The following PDE8B variants were observed in gnomAD, a reference collection of about 807,000 sequenced individuals.
PDE8B encodes high affinity cAMP-specific and IBMX-insensitive 3',5'-cyclic phosphodiesterase 8B.
A neutral mutation model predicts 101.3 loss-of-function variants in PDE8B; 26 were observed. That is an observed-to-expected ratio of 0.26 (90% CI 0.19 to 0.36). PDE8B has a LOEUF of 0.36. Ranked by LOEUF, PDE8B falls within the 10% of genes least tolerant of loss-of-function variation. PDE8B has a pLI of 1.00. For synonymous variants in PDE8B, 424 were observed against 429.3 expected (o/e 0.99, Z 0.15); for missense variants, 810 against 1,163.1 (o/e 0.70, Z 4.42).
intron 2 of PDE8B, among the ~76,000 whole-genome samples, chr5:77,318,387 A>G (rs1774304163): frequency 6.6e-6 from 1 of 152,220 alleles, no homozygotes; most frequent in Admixed American, 6.5e-5. Context: ...AAAAATATTT[A>G]TGGTGCTGAG....
At chr5:77,312,594 C>T (rs1042010502) in intron 2 of PDE8B, among the ~76,000 whole-genome samples, 4 of 152,228 alleles carry the variant, frequency 2.6e-5, no homozygotes, top group African/African-American at 4.8e-5. Context: ...CCATGAGTCA[C>T]AACTGGGTGG....
chr5:77,379,686 T>C (rs1225152760), intron 10 of PDE8B, among the ~76,000 whole-genome samples: 4 of 152,220 alleles, frequency 2.6e-5, no homozygotes, highest in African/African-American at 9.6e-5. Context: ...TTCCGGTGTT[T>C]AGGAGCTGCT....
chr5:77,103,351 A>G, the PDE8B span, among the ~76,000 whole-genome samples: 1 of 152,138 alleles, frequency 6.6e-6, no homozygotes, highest in African/African-American at 2.4e-5. Flanking sequence ...TACTAGTATG[A>G]TATGCAGTAG....
At chr5:77,378,050 C>CACACACACA (rs1297659516) in intron 10 of PDE8B, among the ~76,000 whole-genome samples, 128 of 110,266 alleles carry the variant, frequency 1.2e-3, no homozygotes, top group African/African-American at 6.3e-3. Context: ...ACACACACAC[C>CACACACACA]CCCTGTTGGT....
chr5:77,273,002 A>G (rs73137510), intron 1 of PDE8B, among the ~76,000 whole-genome samples: 7,527 of 152,282 alleles, frequency 0.049, 360 homozygotes, highest in South Asian at 0.12. Context: ...TACAAGACGG[A>G]GGAGAAAGAA....
At chr5:77,185,110 T>G in the PDE8B span, among the ~76,000 whole-genome samples, 2 of 152,298 alleles carry the variant, frequency 1.3e-5, no homozygotes, top group East Asian at 3.9e-4. Context: ...TTTACAGTCT[T>G]TTGGTAAGAA....
At chr5:77,350,784 C>T (rs1442841819) in intron 8 of PDE8B, among the ~76,000 whole-genome samples, 1 of 152,200 alleles carries the variant, frequency 6.6e-6, no homozygotes, top group Non-Finnish European at 1.5e-5. Flanking sequence ...AATCCCTTGA[C>T]CTGGTGCCAC....
At position 77,211,300 on chromosome 5, in the gene PDE8B, GT is replaced by G. The variant is rs773275775; in HGVS notation, c.339+37del. The G allele has an allele frequency of 5.7e-5, 87 of 1,514,680 alleles. No individual in the cohort carries two copies. In the African/African-American group the frequency reaches 1.1e-3, roughly 20 times the overall value. The allele number at this position is 1,514,680 out of a possible 1,614,324, so 93.8% of individuals were successfully genotyped here. On this transcript the variant is annotated intron_variant, in intron 1 of 21. Coordinates refer to ENST00000264917, the MANE Select transcript of PDE8B (RefSeq NM_003719.5). This position sits in a 1 kb window ranked among gnomAD's most constrained non-coding sequence, Gnocchi z 4.1. ...CGCGCTGGCACACGCCGTGGGGGCC[GT>G]CCGCCCCGTCGGCGGGGCTCGCACG...
At chr5:77,125,631 G>A in the PDE8B span, among the ~76,000 whole-genome samples, 1 of 152,178 alleles carries the variant, frequency 6.6e-6, no homozygotes, top group East Asian at 1.9e-4. Flanking sequence ...TTAAAGACAA[G>A]AAATTTGGGT....
At chr5:77,332,838 A>C (rs746931101) in intron 5 of PDE8B, among the ~76,000 whole-genome samples, 8 of 57,076 alleles carry the variant, frequency 1.4e-4, no homozygotes, top group Non-Finnish European at 2.8e-4. Flanking sequence ...ACTCCGTCTC[A>C]AAAAAAAAAA....
rs996526627 is a variant in PDE8B at position 77,289,990 on chromosome 5, G to A, written c.340-22004G>A. ...CATTTCCTTATCACTGTGGGGCTCA[G>A]TAAGGAGTTTCCAAAAGAATGAATG... On this transcript the variant is annotated intron_variant, in intron 1 of 21. Coordinates refer to ENST00000264917, the MANE Select transcript of PDE8B (RefSeq NM_003719.5). Among the ~76,000 whole-genome samples the A allele has an allele frequency of 5.9e-5, 9 of 152,324 alleles. No individual in the cohort carries two copies. In the East Asian group the frequency reaches 1.7e-3, roughly 29 times the overall value.
At chr5:77,192,020 A>G in the PDE8B span, among the ~76,000 whole-genome samples, 1 of 152,154 alleles carries the variant, frequency 6.6e-6, no homozygotes, top group Non-Finnish European at 1.5e-5. Flanking sequence ...TGAGAACCTA[A>G]TGCTGCCACT....
At chr5:77,351,608 G>T (rs1781138866) in intron 9 of PDE8B, among the ~76,000 whole-genome samples, 1 of 152,154 alleles carries the variant, frequency 6.6e-6, no homozygotes, top group South Asian at 2.1e-4. Context: ...AGGTGTGTCT[G>T]ACCAGGAGCT....
chr5:77,421,297 T>G (rs897504150), intron 19 of PDE8B, among the ~76,000 whole-genome samples: 2 of 151,694 alleles, frequency 1.3e-5, no homozygotes, highest in African/African-American at 4.8e-5. Flanking sequence ...GAGAGTTGGG[T>G]GAGTTGGGGG....
chr5:77,138,333 G>C, the PDE8B span, among the ~76,000 whole-genome samples: 1 of 152,066 alleles, frequency 6.6e-6, no homozygotes, highest in Non-Finnish European at 1.5e-5. Flanking sequence ...AAATTTTTGG[G>C]ACAGGTGACA....
At chr5:77,417,634 C>T (rs975472284) in intron 17 of PDE8B, among the ~76,000 whole-genome samples, 1 of 152,178 alleles carries the variant, frequency 6.6e-6, no homozygotes, top group African/African-American at 2.4e-5. Flanking sequence ...ATTAGGGTTT[C>T]CCTTTTTGCC....
At chr5:77,173,149 G>T in the PDE8B span, among the ~76,000 whole-genome samples, 1 of 152,192 alleles carries the variant, frequency 6.6e-6, no homozygotes, top group South Asian at 2.1e-4. Flanking sequence ...AGCACAAAGT[G>T]GGTGTCTGGG....
At chr5:77,305,367 A>G (rs7716880) in intron 1 of PDE8B, among the ~76,000 whole-genome samples, 126,378 of 152,196 alleles carry the variant, frequency 0.83, 52,644 homozygotes, top group East Asian at 0.97. Context: ...GGTCCAGGGT[A>G]TCAGAGTTGC....
At chr5:77,180,433 G>T in the PDE8B span, 12 of 985,318 alleles carry the variant, frequency 1.2e-5, no homozygotes, top group Non-Finnish European at 1.3e-5. Context: ...GGGCGCCCAG[G>T]AGCCGCCCGC....
Sources: allele counts gnomAD v4.1 joint callset (sites outside exome capture counted in the v4.1 genomes callset), GRCh38; gene constraint gnomAD v4.1.1; non-coding constraint Gnocchi (gnomAD v3.1); transcripts MANE v1.5; gene names NCBI Gene and HGNC (gene_info 2026-07-23, HGNC 2026-07-21).